The following IFT74 variants were observed in gnomAD, a reference collection of about 807,000 sequenced individuals.
The protein encoded by IFT74 is intraflagellar transport 74.
IFT74 carries 92 observed loss-of-function variants against 96.7 expected under a neutral mutation model. That is an observed-to-expected ratio of 0.95 (90% confidence interval 0.80 to 1.13). The LOEUF (loss-of-function observed/expected upper bound fraction) is 1.13. Among genes scored for constraint, IFT74 ranks in the 50% most tolerant of loss-of-function variants. The pLI, the probability that IFT74 is intolerant of heterozygous loss-of-function variation, is 0.00. For missense variants in IFT74, 811 were observed against 698.2 expected, an observed-to-expected ratio of 1.16 and a Z score of -1.82; for synonymous variants, 223 against 213.2, an observed-to-expected ratio of 1.05 and a Z score of -0.40.
intron 17 of IFT74, 71 bp downstream of exon 17, chr9:27,055,843 G>GA: frequency 1.0e-6 from 1 of 978,488 alleles, no homozygotes; most frequent in Non-Finnish European, 1.4e-6. Context: ...TAATATATTT[G>GA]TGGTTTATAG....
chr9:26,985,170 G>A (rs1179599726), intron 6 of IFT74, among the ~76,000 whole-genome samples: 1 of 152,174 alleles, frequency 6.6e-6, no homozygotes, highest in African/African-American at 2.4e-5. Context: ...GGATGGAGCT[G>A]GAGGTCATTA....
rs897490574 is a variant in IFT74, at chr9:27,062,872, T to C, written c.*136T>C. On this transcript the variant is annotated 3_prime_UTR_variant, in exon 20 of 20. Transcript: ENST00000380062. ...TGAATGTTATAATTTTTGTGGCCTC[T>C]TTTAAGAATGATATTTTAAAATAGT... is the stretch of plus-strand genomic sequence containing the variant. 5 of 597,878 alleles carry C rather than the reference T, an allele frequency of 8.4e-6. No homozygotes were observed. Among genetic ancestry groups the C allele is most frequent in the Non-Finnish European group, 1.5e-5 (5 of 336,580 alleles). 37.0% of individuals were successfully genotyped at this position (597,878 alleles called of 1,614,324 possible). A position where few individuals can be genotyped will look rare whatever the true frequency, so the allele number is the denominator to read the frequency against.
chr9:26,986,824 T>C (rs1827660885), intron 6 of IFT74, among the ~76,000 whole-genome samples: 1 of 152,006 alleles, frequency 6.6e-6, no homozygotes, highest in South Asian at 2.1e-4. Context: ...GGACTTGCTG[T>C]GTTGCCCACA....
intron 1 of IFT74, among the ~76,000 whole-genome samples, chr9:26,957,700 A>C (rs531612822): frequency 7.9e-4 from 120 of 152,336 alleles, no homozygotes; most frequent in African/African-American, 2.8e-3. Context: ...CAGTCCAAGG[A>C]CTGATTACGA....
chr9:26,963,676 T>C (rs560478375), intron 2 of IFT74, among the ~76,000 whole-genome samples: 3 of 152,274 alleles, frequency 2.0e-5, no homozygotes, highest in East Asian at 3.9e-4. Flanking sequence ...TGGTGTCTCA[T>C]TGTGGTTTTG....
intron 10 of IFT74, among the ~76,000 whole-genome samples, chr9:27,013,024 C>G (rs369235578): frequency 9.2e-5 from 14 of 152,166 alleles, no homozygotes; most frequent in Middle Eastern, 6.8e-3. Context: ...GCCAAAATGT[C>G]TGTTTTGTGT....
At chr9:26,992,788 G>T (rs1017759409) in intron 8 of IFT74, among the ~76,000 whole-genome samples, 1 of 152,014 alleles carries the variant, frequency 6.6e-6, no homozygotes, top group African/African-American at 2.4e-5. Flanking sequence ...GATGGCCAAC[G>T]TCTCAATAAC....
At chr9:27,047,734 A>AT (rs1288433768) in intron 15 of IFT74, among the ~76,000 whole-genome samples, 14 of 152,324 alleles carry the variant, frequency 9.2e-5, no homozygotes, top group African/African-American at 3.4e-4. Flanking sequence ...ATGTTAATGT[A>AT]TTTTTATACT....
chr9:27,048,229 A>C lies in IFT74; in HGVS notation c.1288A>C (p.Thr430Pro). The C allele has an allele frequency of 1.2e-6, 2 of 1,608,374 alleles. No individual in the cohort carries two copies. Among genetic ancestry groups the C allele is most frequent in the Non-Finnish European group, 1.7e-6 (2 of 1,176,034 alleles). The change falls in exon 16 of 20, where the codon ACT (threonine) becomes CCT (proline). Residue 430 changes from threonine (T) to proline (P), a missense_variant. By Grantham distance (38) the Thr-to-Pro change is conservative (BLOSUM62 -1). Transcript: ENST00000380062. ...GCAGGATGACCTCAATTTTAAATCT[A>C]CTGAAGTGCAGAAATCACAAAGTAC... ...MMQDDLNFKS[T>P]EVQKSQSTAQ...
At chr9:27,009,547 G>T (rs939823902) in intron 9 of IFT74, among the ~76,000 whole-genome samples, 2 of 152,036 alleles carry the variant, frequency 1.3e-5, no homozygotes, top group African/African-American at 4.8e-5. Flanking sequence ...TAAAAAGTCT[G>T]TAAATACTTG....
chr9:27,043,702 CA>C (rs1420843897), intron 13 of IFT74, among the ~76,000 whole-genome samples: 6 of 152,266 alleles, frequency 3.9e-5, no homozygotes, highest in African/African-American at 9.6e-5. Flanking sequence ...GTTGTACTAC[CA>C]TCTTCTCAGA....
chr9:26,999,770 C>CTTTTTTTTT lies in IFT74; in HGVS notation c.588-9237_588-9229dup, dbSNP rs1179000269. The CTTTTTTTTT allele has an allele frequency of 5.7e-4, 195 of 340,118 alleles. 1 individual carries two copies. Among genetic ancestry groups the CTTTTTTTTT allele is most frequent in the Middle Eastern group, 1.0e-3 (1 of 978 alleles). The allele number at this position is 340,118 out of a possible 1,614,324, so 21.1% of individuals were successfully genotyped here. A position where few individuals can be genotyped will look rare whatever the true frequency, so the allele number is the denominator to read the frequency against. On this transcript the variant is annotated intron_variant, in intron 8 of 19. Transcript: ENST00000380062. ...TTTCCCTCTTTTGAATCTGTTTATT[C>CTTTTTTTTT]TTTTTTTTTTTTTTTTTTTTTGGCT...
At chr9:26,982,655 A>G (rs535485937) in intron 4 of IFT74, among the ~76,000 whole-genome samples, 11 of 152,020 alleles carry the variant, frequency 7.2e-5, no homozygotes, top group Admixed American at 2.0e-4. Flanking sequence ...AGGTTTCTCA[A>G]TGTTGGTCAG....
At position 27,062,817 on chromosome 9, in the gene IFT74, A is replaced by G. The variant is rs572235719; in HGVS notation, c.*81A>G. ...CAAGTTGACTACCAAAAAAAAAAAA[A>G]GCTTACTTTTGGAGTTTACCTAAAA... On this transcript the variant is annotated 3_prime_UTR_variant, in exon 20 of 20. Coordinates refer to ENST00000380062, the MANE Select transcript of IFT74 (RefSeq NM_025103.4). 6.6e-6 allele frequency: 5 copies of G among 759,922 alleles called. No individual in the cohort carries two copies. The highest frequency in any genetic ancestry group is 2.4e-4 in the Middle Eastern group (1 of 4,202). 47.1% of individuals were successfully genotyped at this position (759,922 alleles called of 1,614,324 possible). A position where few individuals can be genotyped will look rare whatever the true frequency, so the allele number is the denominator to read the frequency against.
At chr9:27,052,183 T>A (rs1480180328) in intron 16 of IFT74, among the ~76,000 whole-genome samples, 2 of 152,196 alleles carry the variant, frequency 1.3e-5, no homozygotes, top group Non-Finnish European at 2.9e-5. Flanking sequence ...CATTCCGTAC[T>A]TTATACTTTG....
intron 4 of IFT74, among the ~76,000 whole-genome samples, chr9:26,981,018 C>T (rs1827353047): frequency 6.6e-6 from 1 of 152,140 alleles, no homozygotes; most frequent in African/African-American, 2.4e-5. Flanking sequence ...CTGTTTCTCA[C>T]AGATAGTGCC....
intron 19 of IFT74, 44 bp downstream of exon 19, chr9:27,060,695 A>G: frequency 6.9e-7 from 1 of 1,443,626 alleles, no homozygotes. Flanking sequence ...GCGGTGGCTC[A>G]TGCCTATAGT....
chr9:27,047,844 C>T (rs146980671), intron 15 of IFT74, among the ~76,000 whole-genome samples: 2,555 of 151,670 alleles, frequency 0.017, 75 homozygotes, highest in African/African-American at 0.058. Context: ...AAATGCATGC[C>T]CCCCTTTCAA....
At chr9:26,989,067 T>C (rs1156248892) in intron 7 of IFT74, among the ~76,000 whole-genome samples, 2 of 152,216 alleles carry the variant, frequency 1.3e-5, no homozygotes, top group African/African-American at 4.8e-5. Context: ...TGATGAATAC[T>C]CAATGTGACA....
Sources: allele counts gnomAD v4.1 joint callset (sites outside exome capture counted in the v4.1 genomes callset), GRCh38; gene constraint gnomAD v4.1.1; transcripts MANE v1.5; gene names NCBI Gene and HGNC (gene_info 2026-07-23, HGNC 2026-07-21).